The following GPHN variants were observed in gnomAD, a reference collection of about 807,000 sequenced individuals.
GPHN encodes gephyrin.
In GPHN, 17 loss-of-function variants were observed where a neutral mutation model predicts 95.5. That is an observed-to-expected ratio of 0.18 (90% CI 0.12 to 0.27). GPHN has a LOEUF of 0.27. Ranked by LOEUF, GPHN falls within the 10% of genes least tolerant of loss-of-function variation. GPHN has a pLI of 1.00. For missense variants in GPHN, 660 were observed against 978.1 expected, an observed-to-expected ratio of 0.67 and a Z score of 4.34; for synonymous variants, 320 against 322.5, an observed-to-expected ratio of 0.99 and a Z score of 0.08.
At chr14:66,929,856 C>T (rs1459412383) in intron 8 of GPHN, among the ~76,000 whole-genome samples, 9 of 152,062 alleles carry the variant, frequency 5.9e-5, no homozygotes, top group Non-Finnish European at 7.4e-5. Flanking sequence ...GGATTACAGG[C>T]GCCCGCCACC....
the GPHN span, among the ~76,000 whole-genome samples, chr14:67,706,946 G>A: frequency 2.6e-5 from 4 of 152,120 alleles, no homozygotes; most frequent in South Asian, 8.3e-4. Context: ...AGAAATTAGG[G>A]GGAGGAAGGG....
chr14:67,245,269 C>T, the GPHN span, among the ~76,000 whole-genome samples: 1 of 152,132 alleles, frequency 6.6e-6, no homozygotes, highest in Non-Finnish European at 1.5e-5. Context: ...GCATTTCCAC[C>T]AGCAATATAT....
At chr14:67,013,839 T>C (rs1299488857) in intron 9 of GPHN, among the ~76,000 whole-genome samples, 1 of 151,862 alleles carries the variant, frequency 6.6e-6, no homozygotes, top group Non-Finnish European at 1.5e-5. Flanking sequence ...ACTAAGAATA[T>C]TAAATCTAAT....
the GPHN span, among the ~76,000 whole-genome samples, chr14:67,416,406 G>A: frequency 3.3e-5 from 5 of 152,288 alleles, no homozygotes; most frequent in East Asian, 1.9e-4. Flanking sequence ...CCAGAGTAGC[G>A]CATCATTTGT....
intron 13 of GPHN, among the ~76,000 whole-genome samples, chr14:67,103,022 CTTGT>C (rs901710899): frequency 2.0e-5 from 3 of 151,978 alleles, no homozygotes; most frequent in African/African-American, 7.3e-5. Flanking sequence ...AATGACTTGT[CTTGT>C]TTGTTTGTTT....
At position 67,128,673 on chromosome 14, in the gene GPHN, G is replaced by A. The variant is rs577353944; in HGVS notation, c.1748+6296G>A. On this transcript the variant is annotated intron_variant, in intron 17 of 22. Transcript: ENST00000478722. ...TGGTAAGGGCCAGCCACTGTGGCTCGTGCCTCTAATCCCAGCACTTTGGGA... is the reference window on the plus strand; with the variant it reads ...TGGTAAGGGCCAGCCACTGTGGCTCATGCCTCTAATCCCAGCACTTTGGGA... Among the ~76,000 whole-genome samples the A allele has an allele frequency of 5.1e-4, 77 of 151,998 alleles. 1 individual carries two copies. The highest frequency in any genetic ancestry group is 8.9e-4 in the African/African-American group (37 of 41,518).
chr14:67,509,448 A>G, the GPHN span, among the ~76,000 whole-genome samples: 2 of 152,058 alleles, frequency 1.3e-5, no homozygotes, highest in African/African-American at 4.8e-5. Context: ...CCTCCCAAGT[A>G]GCTGGGACTA....
At chr14:66,880,199 T>TA (rs905258706) in intron 5 of GPHN, among the ~76,000 whole-genome samples, 166 bp downstream of exon 5, 11 of 149,370 alleles carry the variant, frequency 7.4e-5, no homozygotes, top group African/African-American at 1.5e-4. Context: ...CTATCATTGT[T>TA]AAAAAAAAAA....
intron 10 of GPHN, among the ~76,000 whole-genome samples, chr14:67,049,211 T>TTTGTTG (rs139585227): frequency 0.036 from 5,497 of 150,930 alleles, 98 homozygotes; most frequent in Non-Finnish European, 0.052. Context: ...GCTGATTAAG[T>TTTGTTG]TTGTTGTTGT....
intron 1 of GPHN, among the ~76,000 whole-genome samples, chr14:66,633,703 A>T (rs2063948320): frequency 6.6e-6 from 1 of 152,180 alleles, no homozygotes. Flanking sequence ...TTGAATAAAT[A>T]CTTAAGTGTG....
chr14:66,942,538 A>G (rs2067487138), intron 8 of GPHN, among the ~76,000 whole-genome samples: 1 of 152,246 alleles, frequency 6.6e-6, no homozygotes. Flanking sequence ...AGTTACAGTT[A>G]GAATCACCAT....
intron 14 of GPHN, 135 bp from the exon 15 acceptor site, chr14:67,111,726 G>T (rs1284919666): frequency 1.4e-6 from 1 of 714,234 alleles, no homozygotes; most frequent in African/African-American, 1.8e-5. Context: ...TGTTTTCAAA[G>T]GGTGTAGCAA....
intron 1 of GPHN, among the ~76,000 whole-genome samples, chr14:66,538,619 T>C (rs1047260954): frequency 1.3e-5 from 2 of 152,044 alleles, no homozygotes; most frequent in Non-Finnish European, 2.9e-5. Flanking sequence ...GGTTTCCTTT[T>C]TTGTTGATTA....
the GPHN span, among the ~76,000 whole-genome samples, chr14:67,308,549 T>TC: frequency 1.4e-5 from 2 of 145,830 alleles, no homozygotes; most frequent in African/African-American, 2.5e-5. Flanking sequence ...TCTTTTTCTT[T>TC]TTTTTTTTTT....
chr14:67,583,674 C>T, the GPHN span: 2 of 1,263,878 alleles, frequency 1.6e-6, no homozygotes, highest in South Asian at 2.8e-5. Flanking sequence ...TTTCACCTCT[C>T]AACAGCCCCC....
chr14:67,108,852 C>T (rs2078200071), intron 13 of GPHN, among the ~76,000 whole-genome samples: 1 of 151,662 alleles, frequency 6.6e-6, no homozygotes, highest in Non-Finnish European at 1.5e-5. Context: ...AGTTTTTAAG[C>T]TTATAGTTCA....
the GPHN span, among the ~76,000 whole-genome samples, chr14:67,311,829 GAATT>G: frequency 6.6e-6 from 1 of 152,144 alleles, no homozygotes; most frequent in African/African-American, 2.4e-5. Context: ...ATACAAATAA[GAATT>G]GATTATAAAC....
At chr14:66,770,568 G>A (rs1260254495) in intron 2 of GPHN, among the ~76,000 whole-genome samples, 1 of 152,098 alleles carries the variant, frequency 6.6e-6, no homozygotes, top group Non-Finnish European at 1.5e-5. Context: ...TGTGCAATAT[G>A]TTATATACAC....
chr14:67,563,903 GT>G, the GPHN span, among the ~76,000 whole-genome samples: 119,024 of 135,452 alleles, frequency 0.88, 52,456 homozygotes, highest in Non-Finnish European at 0.94. Context: ...CCGGCTAACT[GT>G]TTTTTTTTTT....
Sources: gnomAD v4.1 joint callset for allele counts (sites outside exome capture counted in the v4.1 genomes callset) on GRCh38, gnomAD v4.1.1 for gene constraint, MANE v1.5 for transcripts, NCBI Gene and HGNC (gene_info 2026-07-23, HGNC 2026-07-21) for gene names.